The following TMEM132C variants were observed in gnomAD, a reference collection of about 807,000 sequenced individuals.
TMEM132C encodes the protein transmembrane protein 132C, also known as protein phosphatase 1, regulatory subunit 152.
A neutral mutation model predicts 61.4 loss-of-function variants in TMEM132C; 29 were observed. That is an observed-to-expected ratio of 0.47 (90% CI 0.35 to 0.64). TMEM132C has a LOEUF of 0.64. Ranked by LOEUF, TMEM132C falls within the 30% of genes least tolerant of loss-of-function variation. The pLI, the probability that TMEM132C is intolerant of heterozygous loss-of-function variation, is 0.00. For missense variants in TMEM132C, 1,408 were observed against 1,476.9 expected, an observed-to-expected ratio of 0.95 and a Z score of 0.76; for synonymous variants, 656 against 633.1, an observed-to-expected ratio of 1.04 and a Z score of -0.54.
At chr12:128,518,122 T>C (rs561319346) in intron 2 of TMEM132C, among the ~76,000 whole-genome samples, 8 of 152,340 alleles carry the variant, frequency 5.3e-5, no homozygotes, top group South Asian at 2.1e-4. Context: ...CAAACAAATA[T>C]ATGCTGAAGG....
intron 4 of TMEM132C, among the ~76,000 whole-genome samples, chr12:128,633,179 T>C (rs1954076434): frequency 6.6e-6 from 1 of 152,172 alleles, no homozygotes; most frequent in Non-Finnish European, 1.5e-5. Context: ...GCAGGCCGCA[T>C]AGTGGCCTAA....
intron 1 of TMEM132C, among the ~76,000 whole-genome samples, chr12:128,305,507 T>G (rs979712507): frequency 2.6e-5 from 4 of 151,196 alleles, no homozygotes; most frequent in Non-Finnish European, 5.9e-5. Flanking sequence ...GAACTTTAGA[T>G]GATTCTGCGG....
chr12:128,661,353 A>T (rs1954387592), intron 4 of TMEM132C, among the ~76,000 whole-genome samples: 1 of 152,214 alleles, frequency 6.6e-6, no homozygotes, highest in Non-Finnish European at 1.5e-5. Flanking sequence ...CAGCTAGGTT[A>T]ATGTTTAGTT....
At chr12:128,373,412 G>T (rs1381663828) in intron 1 of TMEM132C, among the ~76,000 whole-genome samples, 1 of 152,198 alleles carries the variant, frequency 6.6e-6, no homozygotes, top group Non-Finnish European at 1.5e-5. Context: ...AGAGGGAATG[G>T]GATTCCTGGC....
At chr12:128,461,833 C>T (rs956087766) in intron 2 of TMEM132C, among the ~76,000 whole-genome samples, 1 of 152,176 alleles carries the variant, frequency 6.6e-6, no homozygotes, top group Non-Finnish European at 1.5e-5. Context: ...CCCCACCTTC[C>T]AGAACTCCAT....
chr12:128,547,403 A>AT (rs1873990600), intron 3 of TMEM132C, among the ~76,000 whole-genome samples: 1 of 150,744 alleles, frequency 6.6e-6, no homozygotes, highest in Non-Finnish European at 1.5e-5. Context: ...AAAATACAAA[A>AT]AAAAAAAAAA....
rs201640276 is a variant in TMEM132C at position 128,616,235 on chromosome 12, C to T, written c.1205C>T (p.Thr402Met). 744 of 1,551,798 alleles carry T rather than the reference C, an allele frequency of 4.8e-4. 4 individuals carry two copies. The highest frequency in any genetic ancestry group is 1.1e-3 in the East Asian group (45 of 40,922). Residue 402 changes from threonine (T) to methionine (M), a missense_variant, in exon 4 of 9, where the codon ACG (threonine) becomes ATG (methionine). Thr to Met is a moderately conservative substitution (Grantham distance 81). Coordinates refer to ENST00000435159, the MANE Select transcript of TMEM132C (RefSeq NM_001136103.3). ...AGCCTTTCAGGGACTCAGCCCATCA[C>T]GTGGCAGGTGGAGTACCCACGGAAG... Reference protein sequence around the residue: ...FSSLSGTQPITWQVEYPRKGT... With the variant: ...FSSLSGTQPIMWQVEYPRKGT...
intron 1 of TMEM132C, among the ~76,000 whole-genome samples, chr12:128,298,528 ACGTACGACT>A (rs1871495788): frequency 6.6e-6 from 1 of 152,140 alleles, no homozygotes; most frequent in Non-Finnish European, 1.5e-5. Context: ...TAACTACGGT[ACGTACGACT>A]CACAGCCAGG....
chr12:128,616,212 C>G lies in TMEM132C; in HGVS notation c.1182C>G (p.Ser394Arg), dbSNP rs117965239. 25,682 of 1,551,762 alleles carry G rather than the reference C, an allele frequency of 0.017. 255 individuals are homozygous for G. Among genetic ancestry groups the G allele is most frequent in the South Asian group, 0.025 (2,128 of 84,066 alleles). Residue 394 changes from serine to arginine, a missense_variant, in exon 4 of 9, where the codon AGC becomes AGG. Transcript: ENST00000435159. ...QMNFEIASFS[S>R]LSGTQPITWQ... ...ACTTTGAAATAGCCAGTTTCAGCAG[C>G]CTTTCAGGGACTCAGCCCATCACGT...
intron 2 of TMEM132C, among the ~76,000 whole-genome samples, chr12:128,421,531 GT>G (rs1336527256): frequency 6.6e-6 from 1 of 152,214 alleles, no homozygotes; most frequent in Non-Finnish European, 1.5e-5. Flanking sequence ...TCTTGGAAAT[GT>G]TTATGGGACT....
chr12:128,533,819 C>G (rs1308662609), intron 2 of TMEM132C, among the ~76,000 whole-genome samples: 2 of 152,144 alleles, frequency 1.3e-5, no homozygotes, highest in Non-Finnish European at 2.9e-5. Flanking sequence ...TTTGAACGTA[C>G]TCTGAAGATC....
rs573375975 is a variant in TMEM132C, at chr12:128,672,648, A to G, written c.1449+3088A>G. ...AGAAACTGGGTGAGGACATCAGAGCAGGCAGGCTCAGTGTACATGAGCACA... is the reference window on the plus strand; with the variant it reads ...AGAAACTGGGTGAGGACATCAGAGCGGGCAGGCTCAGTGTACATGAGCACA... On this transcript the variant is annotated intron_variant, in intron 5 of 8. Transcript: ENST00000435159. 3.3e-5 allele frequency among the ~76,000 whole-genome samples: 5 copies of G among 152,344 alleles called. No individual in the cohort carries two copies. The East Asian group carries it at 9.6e-4, about 29-fold the overall frequency.
At chr12:128,423,699 G>A (rs12370422) in intron 2 of TMEM132C, among the ~76,000 whole-genome samples, 8,790 of 151,732 alleles carry the variant, frequency 0.058, 437 homozygotes, top group South Asian at 0.23. Flanking sequence ...GCGAGACCCT[G>A]TCTCTTAAAA....
intron 1 of TMEM132C, among the ~76,000 whole-genome samples, chr12:128,340,175 A>G (rs1872911263): frequency 6.6e-6 from 1 of 152,216 alleles, no homozygotes; most frequent in Non-Finnish European, 1.5e-5. Flanking sequence ...GAAGGCCTTC[A>G]AAGCTTGGGA....
At chr12:128,377,861 T>C (rs896635978) in intron 1 of TMEM132C, among the ~76,000 whole-genome samples, 1 of 152,170 alleles carries the variant, frequency 6.6e-6, no homozygotes, top group Non-Finnish European at 1.5e-5. Flanking sequence ...TGAAGAGCAG[T>C]GTGGGCTCCT....
chr12:128,606,874 G>A (rs755456042), intron 3 of TMEM132C, among the ~76,000 whole-genome samples: 1 of 152,134 alleles, frequency 6.6e-6, no homozygotes, highest in Non-Finnish European at 1.5e-5. Flanking sequence ...TTTTTAAAAT[G>A]CATTTTATGG....
chr12:128,625,508 C>G (rs959606073), intron 4 of TMEM132C, among the ~76,000 whole-genome samples: 3 of 152,146 alleles, frequency 2.0e-5, no homozygotes, highest in Non-Finnish European at 1.5e-5. Context: ...CTGGGGAGGC[C>G]TCACAATCAT....
intron 4 of TMEM132C, among the ~76,000 whole-genome samples, chr12:128,666,479 G>A (rs1954475790): frequency 6.6e-6 from 1 of 152,160 alleles, no homozygotes; most frequent in Admixed American, 6.5e-5. Context: ...ATAGCAGCCT[G>A]AATGAACTAA....
At chr12:128,383,038 G>A (rs1482807306) in intron 1 of TMEM132C, among the ~76,000 whole-genome samples, 1 of 152,066 alleles carries the variant, frequency 6.6e-6, no homozygotes, top group Admixed American at 6.6e-5. Context: ...GCATGTCTGT[G>A]TGTGTGCACG....
Sources: allele counts gnomAD v4.1 joint callset (sites outside exome capture counted in the v4.1 genomes callset), GRCh38; gene constraint gnomAD v4.1.1; transcripts MANE v1.5; gene names NCBI Gene and HGNC (gene_info 2026-07-23, HGNC 2026-07-21).